Variants in RAD21L1 observed in about 807,000 individuals in gnomAD.
RAD21L1 encodes double-strand-break repair protein rad21-like protein 1.
In RAD21L1, 47 loss-of-function variants were observed where a neutral mutation model predicts 69.0. That is an observed-to-expected ratio of 0.68 (90% CI 0.54 to 0.87). The LOEUF (loss-of-function observed/expected upper bound fraction) is 0.87. Among genes scored for constraint, RAD21L1 ranks in the 40% least tolerant of loss-of-function variants. The probability of loss-of-function intolerance (pLI) is 0.00; values close to 1 mark genes in which losing one functional copy is unlikely to be tolerated. For synonymous variants in RAD21L1, 177 were observed against 205.8 expected, an observed-to-expected ratio of 0.86 and a Z score of 1.20; for missense variants, 583 against 647.6, an observed-to-expected ratio of 0.90 and a Z score of 1.08.
chr20:1,234,835 G>A (rs765728946), intron 5 of RAD21L1, among the ~76,000 whole-genome samples: 81 of 152,038 alleles, frequency 5.3e-4, no homozygotes, highest in Admixed American at 3.9e-4. Context: ...GCCTTGACCT[G>A]GGCTCACAAT....
chr20:1,253,560 G>A (rs889833937), intron 13 of RAD21L1, among the ~76,000 whole-genome samples: 3 of 152,142 alleles, frequency 2.0e-5, no homozygotes, highest in African/African-American at 7.2e-5. Flanking sequence ...GCCTCCCAAA[G>A]TGCTGGGATT....
chr20:1,248,839 AT>A (rs1318822753), intron 13 of RAD21L1, 136 bp downstream of exon 13: 8 of 509,616 alleles, frequency 1.6e-5, no homozygotes, highest in Non-Finnish European at 2.4e-5. Context: ...GAGTGCAATG[AT>A]TTTCAGTAGT....
intron 11 of RAD21L1, among the ~76,000 whole-genome samples, chr20:1,245,133 TAGAG>T (rs1311593120): frequency 1.3e-5 from 2 of 152,158 alleles, no homozygotes; most frequent in Non-Finnish European, 2.9e-5. Context: ...GGGCTTGAAG[TAGAG>T]AGAAGAGAGA....
At chr20:1,233,361 A>G (rs2087431500) in intron 4 of RAD21L1, among the ~76,000 whole-genome samples, 2 of 152,188 alleles carry the variant, frequency 1.3e-5, no homozygotes, top group Non-Finnish European at 2.9e-5. Context: ...GTATTTGGTC[A>G]TTCCCAGTAG....
At chr20:1,248,036 C>A in intron 12 of RAD21L1, among the ~76,000 whole-genome samples, 1 of 104,050 alleles carries the variant, frequency 9.6e-6, no homozygotes, top group East Asian at 3.0e-4. Flanking sequence ...GTGGTTAAGC[C>A]TTAAATACCA....
chr20:1,233,071 C>T (rs981396681), intron 4 of RAD21L1, among the ~76,000 whole-genome samples: 2 of 152,216 alleles, frequency 1.3e-5, no homozygotes, highest in African/African-American at 4.8e-5. Flanking sequence ...TTGTACTTCA[C>T]ATCCTCCAGG....
At chr20:1,230,889 A>G (rs1310599702) in intron 3 of RAD21L1, 1 of 200,284 alleles carries the variant, frequency 5.0e-6, no homozygotes, top group African/African-American at 2.4e-5. Flanking sequence ...GACAAACAAG[A>G]TAAATAAGAT....
intron 13 of RAD21L1, among the ~76,000 whole-genome samples, chr20:1,252,742 C>G (rs570987922): frequency 6.6e-6 from 1 of 151,850 alleles, no homozygotes; most frequent in South Asian, 2.1e-4. Flanking sequence ...ACACTGATGT[C>G]TCCAATTCCT....
intron 7 of RAD21L1, 61 bp downstream of exon 7, chr20:1,239,468 T>A: frequency 2.2e-6 from 2 of 889,650 alleles, no homozygotes; most frequent in East Asian, 2.6e-5. Flanking sequence ...GCCTCAGAAC[T>A]TCTGAATTTA....
rs1304855545 is a variant in RAD21L1 at position 1,254,656 on chromosome 20, GT to G, written c.*203del. ...CTTACAAAGAAATACTTTAAATTCTGTTTTGTTTTTTTTTGTTGTTTTTTTA... is the reference window on the plus strand; with the variant it reads ...CTTACAAAGAAATACTTTAAATTCTGTTTGTTTTTTTTTGTTGTTTTTTTA... On this transcript the variant is annotated 3_prime_UTR_variant, in exon 14 of 14. Coordinates refer to ENST00000683101, the MANE Select transcript of RAD21L1 (RefSeq NM_001384355.1). Among the ~76,000 whole-genome samples, 1 of 134,072 alleles carries G rather than the reference GT, an allele frequency of 7.5e-6. No homozygotes were observed. The highest frequency in any genetic ancestry group is 2.9e-5 in the African/African-American group (1 of 34,476). The allele number at this position is 134,072 out of a possible 152,430, so 88.0% of individuals were successfully genotyped here. A position where few individuals can be genotyped will look rare whatever the true frequency, so the allele number is the denominator to read the frequency against.
At chr20:1,229,806 T>C in intron 2 of RAD21L1, 74 bp from the exon 3 acceptor site, 1 of 1,129,210 alleles carries the variant, frequency 8.9e-7, no homozygotes, top group African/African-American at 1.6e-5. Flanking sequence ...ATTCTTACGA[T>C]GTCAGTAACT....
At chr20:1,245,026 C>A (rs997188944) in intron 11 of RAD21L1, among the ~76,000 whole-genome samples, 13 of 152,148 alleles carry the variant, frequency 8.5e-5, no homozygotes, top group African/African-American at 3.1e-4. Flanking sequence ...GTGTACCTAC[C>A]GAAAATTATG....
intron 13 of RAD21L1, among the ~76,000 whole-genome samples, chr20:1,250,953 T>A (rs1421947762): frequency 6.6e-6 from 1 of 152,218 alleles, no homozygotes; most frequent in African/African-American, 2.4e-5. Flanking sequence ...AGTTTTTGTC[T>A]TGGGATATTG....
At chr20:1,243,598 A>G (rs1406136473) in intron 10 of RAD21L1, among the ~76,000 whole-genome samples, 7 of 152,218 alleles carry the variant, frequency 4.6e-5, no homozygotes, top group African/African-American at 7.2e-5. Context: ...ACTTAACCTG[A>G]CGCAGATATT....
intron 3 of RAD21L1, among the ~76,000 whole-genome samples, chr20:1,231,087 A>T (rs1033780281): frequency 1.2e-4 from 18 of 152,230 alleles, no homozygotes; most frequent in Non-Finnish European, 1.2e-4. Flanking sequence ...AGACTTGAAA[A>T]ATGAGAACTA....
intron 4 of RAD21L1, among the ~76,000 whole-genome samples, chr20:1,232,604 T>C (rs1029562889): frequency 6.6e-6 from 1 of 152,194 alleles, no homozygotes; most frequent in African/African-American, 2.4e-5. Flanking sequence ...CTATATGATT[T>C]TTGGCATGAG....
intron 5 of RAD21L1, 111 bp from the exon 6 acceptor site, chr20:1,237,933 A>G: frequency 1.9e-6 from 1 of 533,568 alleles, no homozygotes; most frequent in South Asian, 5.0e-5. Flanking sequence ...CTCTTCATCT[A>G]TAAAATGAGG....
chr20:1,247,923 T>C lies in RAD21L1; in HGVS notation c.1402-703T>C, dbSNP rs895303691. ...TTTGTAAGCCTACTCTTTTATCAGA[T>C]TCATGAACACCTTTCATATGCTCAG... On this transcript the variant is annotated intron_variant, in intron 12 of 13. Coordinates refer to ENST00000683101, the MANE Select transcript of RAD21L1 (RefSeq NM_001384355.1). Among the ~76,000 whole-genome samples, 10 of 151,856 alleles carry C rather than the reference T, an allele frequency of 6.6e-5. 1 individual carries two copies. The South Asian group carries it at 1.9e-3, about 28-fold the overall frequency.
chr20:1,248,790 CA>C (rs2066071310), intron 13 of RAD21L1, 87 bp downstream of exon 13: 8 of 746,656 alleles, frequency 1.1e-5, no homozygotes, highest in Admixed American at 6.7e-5. Flanking sequence ...AATGAAAACG[CA>C]ATAATTTTCC....
Sources: gnomAD v4.1 joint callset for allele counts (sites outside exome capture counted in the v4.1 genomes callset) on GRCh38, gnomAD v4.1.1 for gene constraint, MANE v1.5 for transcripts, NCBI Gene and HGNC (gene_info 2026-07-23, HGNC 2026-07-21) for gene names.